Variants in MPHOSPH10 observed in about 807,000 individuals in gnomAD.
MPHOSPH10 encodes the protein M-phase phosphoprotein 10.
Under a neutral mutation model 77.3 loss-of-function variants are expected in MPHOSPH10, and 33 were observed. The ratio of observed to expected loss-of-function variants is 0.43; its 90% CI spans 0.32 to 0.57. The LOEUF (loss-of-function observed/expected upper bound fraction) is 0.57. Ranked by LOEUF, MPHOSPH10 falls within the 20% of genes least tolerant of loss-of-function variation. MPHOSPH10 has a pLI of 0.07. For synonymous variants in MPHOSPH10, 245 were observed against 268.0 expected (o/e 0.91, Z 0.84); for missense variants, 708 against 780.1 (o/e 0.91, Z 1.10).
At chr2:71,135,115 A>G (rs1044028711) in intron 4 of MPHOSPH10, among the ~76,000 whole-genome samples, 1 of 152,206 alleles carries the variant, frequency 6.6e-6, no homozygotes, top group Non-Finnish European at 1.5e-5. Flanking sequence ...GCGGTGAGCT[A>G]AGATTGCATC....
chr2:71,141,828 T>C (rs1181624752), intron 7 of MPHOSPH10, among the ~76,000 whole-genome samples: 1 of 151,912 alleles, frequency 6.6e-6, no homozygotes, highest in Non-Finnish European at 1.5e-5. Context: ...TCAGGAGTTT[T>C]AGACCTGCCT....
chr2:71,130,648 C>G lies in MPHOSPH10; in HGVS notation c.-18C>G. 6.2e-7 allele frequency: 1 copy of G among 1,602,380 alleles called. No homozygotes were observed. Among genetic ancestry groups the G allele is most frequent in the Non-Finnish European group, 8.5e-7 (1 of 1,174,594 alleles). On this transcript the variant is annotated 5_prime_UTR_variant, in exon 1 of 11. Transcript: ENST00000244230. Reference sequence around the variant, plus strand: ...CCTTCCCTTGCATGCTGCATTGTGTCGGGAGTTGCTGACAGCCATGGCGCC... The same window carrying G: ...CCTTCCCTTGCATGCTGCATTGTGTGGGGAGTTGCTGACAGCCATGGCGCC...
chr2:71,145,848 G>C (rs550426432), intron 8 of MPHOSPH10, among the ~76,000 whole-genome samples: 3 of 152,120 alleles, frequency 2.0e-5, no homozygotes, highest in African/African-American at 7.2e-5. Flanking sequence ...TGGCCCAGTA[G>C]GCTGCACTTC....
At chr2:71,133,882 CT>C in intron 2 of MPHOSPH10, 65 bp from the exon 3 acceptor site, 2 of 1,091,916 alleles carry the variant, frequency 1.8e-6, no homozygotes, top group Non-Finnish European at 2.6e-6. Flanking sequence ...ACATGCAAAT[CT>C]ATATGCATGT....
In MPHOSPH10 at chr2:71,132,894, A is replaced by G. The variant is rs1673414580; in HGVS notation, c.90-4A>G. The G allele has an allele frequency of 6.3e-7, 1 of 1,592,310 alleles. No homozygotes were observed. The highest frequency in any genetic ancestry group is 8.6e-7 in the Non-Finnish European group (1 of 1,166,334). ...TCTAAATCTCACTTAATTCCTCCCAATAGGATTCAAGAGGGATTGGCATCA... is the reference window on the plus strand; with the variant it reads ...TCTAAATCTCACTTAATTCCTCCCAGTAGGATTCAAGAGGGATTGGCATCA... On this transcript the variant is annotated splice_polypyrimidine_tract_variant and splice_region_variant and intron_variant, in intron 1 of 10. Transcript: ENST00000244230.
chr2:71,148,340 T>C, intron 9 of MPHOSPH10: 1 of 414,986 alleles, frequency 2.4e-6, no homozygotes, highest in African/African-American at 2.0e-5. Context: ...AGTTTTAAAA[T>C]AGCTAGTATC....
intron 7 of MPHOSPH10, among the ~76,000 whole-genome samples, chr2:71,143,688 T>A (rs357752): frequency 0.28 from 42,480 of 152,080 alleles, 6,233 homozygotes; most frequent in Admixed American, 0.38. Context: ...CTATTTTGAG[T>A]ATTTGATATA....
intron 5 of MPHOSPH10, among the ~76,000 whole-genome samples, 164 bp from the exon 6 acceptor site, chr2:71,139,631 T>G (rs906696867): frequency 6.6e-6 from 1 of 152,232 alleles, no homozygotes; most frequent in African/African-American, 2.4e-5. Context: ...CACAGATAGC[T>G]GTCCCTCTTC....
intron 7 of MPHOSPH10, 121 bp downstream of exon 7, chr2:71,141,490 G>A (rs1673611724): frequency 1.3e-6 from 1 of 757,466 alleles, no homozygotes; most frequent in African/African-American, 1.8e-5. Flanking sequence ...CCTCATGTAA[G>A]TATGAGACAG....
At chr2:71,143,616 C>T (rs1673653298) in intron 7 of MPHOSPH10, among the ~76,000 whole-genome samples, 1 of 152,096 alleles carries the variant, frequency 6.6e-6, no homozygotes, top group African/African-American at 2.4e-5. Context: ...CAGTTGCTAC[C>T]CTTTCCTCAC....
In MPHOSPH10 at chr2:71,133,382, G is replaced by A; in HGVS notation, c.574G>A (p.Gly192Arg). Residue 192 changes from glycine (G) to arginine (R), a missense_variant, in exon 2 of 11, where the codon GGA (glycine) becomes AGA (arginine). By Grantham distance (125) the Gly-to-Arg change is moderately radical (BLOSUM62 -2). Transcript: ENST00000244230. ...GAGCAAGGTGCAAAACAAAGGACAG[G>A]GAAAACCAAGAGAAAAGTCCATAGT... ...QQSKVQNKGQ[G>R]KPREKSIVDD... is the part of the protein sequence containing the mutation. 6.2e-7 allele frequency: 1 copy of A among 1,613,934 alleles called. No individual in the cohort carries two copies. Among genetic ancestry groups the A allele is most frequent in the South Asian group, 1.1e-5 (1 of 91,070 alleles).
intron 7 of MPHOSPH10, 186 bp from the exon 8 acceptor site, chr2:71,144,242 A>G: frequency 3.8e-6 from 2 of 523,400 alleles, no homozygotes; most frequent in Non-Finnish European, 6.8e-6. Flanking sequence ...TAAAATGCAC[A>G]TCACATCTCT....
At chr2:71,134,264 T>G (rs1449157374) in intron 3 of MPHOSPH10, among the ~76,000 whole-genome samples, 159 bp downstream of exon 3, 5 of 152,218 alleles carry the variant, frequency 3.3e-5, no homozygotes, top group Non-Finnish European at 7.3e-5. Flanking sequence ...TAAAGGGACA[T>G]TAGAGATCAC....
intron 4 of MPHOSPH10, among the ~76,000 whole-genome samples, chr2:71,135,060 G>A (rs1673458760): frequency 6.6e-6 from 1 of 152,156 alleles, no homozygotes; most frequent in South Asian, 2.1e-4. Flanking sequence ...CAGCTACTCT[G>A]GTGTCTGAGG....
At chr2:71,143,911 G>C (rs573548088) in intron 7 of MPHOSPH10, among the ~76,000 whole-genome samples, 1 of 152,300 alleles carries the variant, frequency 6.6e-6, no homozygotes, top group South Asian at 2.1e-4. Flanking sequence ...ACATGTATTT[G>C]TTTGAGTATC....
At chr2:71,143,814 G>A (rs1267925152) in intron 7 of MPHOSPH10, among the ~76,000 whole-genome samples, 2 of 152,168 alleles carry the variant, frequency 1.3e-5, no homozygotes, top group African/African-American at 4.8e-5. Flanking sequence ...ACGGTATTCC[G>A]TTGTGTGTAT....
At chr2:71,134,389 A>G (rs190698304) in intron 3 of MPHOSPH10, among the ~76,000 whole-genome samples, 47 of 152,316 alleles carry the variant, frequency 3.1e-4, no homozygotes, top group African/African-American at 8.9e-4. Context: ...GATTTGTATT[A>G]TAGATTGATG....
At chr2:71,149,634 C>A (rs185880910) in intron 10 of MPHOSPH10, among the ~76,000 whole-genome samples, 181 bp downstream of exon 10, 94 of 152,314 alleles carry the variant, frequency 6.2e-4, no homozygotes, top group Admixed American at 1.3e-3. Context: ...AGGGTCCTCA[C>A]AATAACCTGG....
intron 8 of MPHOSPH10, among the ~76,000 whole-genome samples, chr2:71,147,118 A>C (rs755234842): frequency 6.6e-6 from 1 of 152,196 alleles, no homozygotes; most frequent in Non-Finnish European, 1.5e-5. Context: ...TGTTTTCAGT[A>C]GTTGAAAGAT....
Sources: gnomAD v4.1 joint callset for allele counts (sites outside exome capture counted in the v4.1 genomes callset) on GRCh38, gnomAD v4.1.1 for gene constraint, MANE v1.5 for transcripts, NCBI Gene and HGNC (gene_info 2026-07-23, HGNC 2026-07-21) for gene names.